SULF1: variants seen among roughly 807,000 people sequenced by gnomAD.
The protein encoded by SULF1 is extracellular sulfatase Sulf-1.
Under a neutral mutation model 110.5 loss-of-function variants are expected in SULF1, and 46 were observed. That is an observed-to-expected ratio of 0.42 (90% confidence interval 0.33 to 0.53). The LOEUF (loss-of-function observed/expected upper bound fraction) is 0.53. SULF1 is among the 20% of genes least tolerant of loss of function. The probability of loss-of-function intolerance (pLI) is 0.12; values close to 1 mark genes in which losing one functional copy is unlikely to be tolerated. For missense variants in SULF1, 941 were observed against 1,094.2 expected, an observed-to-expected ratio of 0.86 and a Z score of 1.98; for synonymous variants, 371 against 387.1, an observed-to-expected ratio of 0.96 and a Z score of 0.49.
chr8:69,494,121 A>G (rs529892238), intron 1 of SULF1, among the ~76,000 whole-genome samples: 1 of 152,310 alleles, frequency 6.6e-6, no homozygotes, highest in Admixed American at 6.5e-5. Flanking sequence ...AAAACTAAGA[A>G]CTATAAATTG....
intron 19 of SULF1, among the ~76,000 whole-genome samples, chr8:69,636,721 T>C (rs1486783209): frequency 2.0e-5 from 3 of 152,206 alleles, no homozygotes; most frequent in Admixed American, 6.5e-5. Context: ...CCCAATTTGT[T>C]CAACTTTTGA....
intron 8 of SULF1, among the ~76,000 whole-genome samples, chr8:69,598,548 T>C (rs1042885178): frequency 4.6e-5 from 7 of 152,094 alleles, no homozygotes; most frequent in African/African-American, 1.7e-4. Flanking sequence ...CCCGCCACCA[T>C]GCCCAGCTAA....
At chr8:69,603,803 C>A in intron 12 of SULF1, 147 bp downstream of exon 12, 1 of 658,000 alleles carries the variant, frequency 1.5e-6, no homozygotes, top group South Asian at 1.8e-5. Flanking sequence ...GCTGCTTATT[C>A]TGTAGTGGTC....
intron 1 of SULF1, among the ~76,000 whole-genome samples, chr8:69,470,181 A>T (rs1390945538): frequency 6.6e-6 from 1 of 152,144 alleles, no homozygotes; most frequent in African/African-American, 2.4e-5. Context: ...CCTGTGCAAT[A>T]TTTTTGTGTG....
chr8:69,636,184 A>G (rs1810984528), intron 19 of SULF1, among the ~76,000 whole-genome samples: 1 of 152,150 alleles, frequency 6.6e-6, no homozygotes, highest in Non-Finnish European at 1.5e-5. Flanking sequence ...AATAGGAACC[A>G]TTACACCCAA....
intron 12 of SULF1, 132 bp downstream of exon 12, chr8:69,603,788 G>T: frequency 1.4e-6 from 1 of 692,650 alleles, no homozygotes; most frequent in Non-Finnish European, 2.6e-6. Context: ...AAGATTGAAT[G>T]GTTTGCTGCT....
At chr8:69,532,568 G>A (rs1813159352) in intron 3 of SULF1, among the ~76,000 whole-genome samples, 1 of 152,146 alleles carries the variant, frequency 6.6e-6, no homozygotes, top group African/African-American at 2.4e-5. Flanking sequence ...TGAAAGAAGA[G>A]GATGCATTGC....
At chr8:69,471,214 A>G (rs1433091989) in intron 1 of SULF1, among the ~76,000 whole-genome samples, 1 of 152,014 alleles carries the variant, frequency 6.6e-6, no homozygotes, top group Non-Finnish European at 1.5e-5. Context: ...TTATTCCTTG[A>G]CTTCTCAGGT....
chr8:69,572,223 A>G (rs2150737001), intron 5 of SULF1, among the ~76,000 whole-genome samples: 1 of 152,350 alleles, frequency 6.6e-6, no homozygotes, highest in Admixed American at 6.5e-5. Flanking sequence ...TGTCACAGCC[A>G]GCATTCAGCC....
At chr8:69,554,909 G>A (rs1023767733) in intron 3 of SULF1, among the ~76,000 whole-genome samples, 1 of 148,594 alleles carries the variant, frequency 6.7e-6, no homozygotes, top group African/African-American at 2.5e-5. Context: ...AACCTGGGAG[G>A]CGGAGCTTGC....
At chr8:69,607,252 G>A (rs536007750) in intron 13 of SULF1, among the ~76,000 whole-genome samples, 2 of 152,332 alleles carry the variant, frequency 1.3e-5, no homozygotes, top group South Asian at 4.1e-4. Flanking sequence ...TGTGTTTACT[G>A]GTGGCCCTCA....
At chr8:69,575,313 C>A (rs1805524705) in intron 5 of SULF1, among the ~76,000 whole-genome samples, 1 of 151,534 alleles carries the variant, frequency 6.6e-6, no homozygotes, top group Non-Finnish European at 1.5e-5. Flanking sequence ...AATTATAGCT[C>A]TTTCACAAGC....
At chr8:69,625,873 G>C (rs189346225) in intron 15 of SULF1, 2 of 152,244 alleles carry the variant, frequency 1.3e-5, no homozygotes, top group African/African-American at 4.8e-5. Context: ...TTGGTAGAGC[G>C]GAGTGGCCTG....
rs1277528231 is a variant in SULF1 at position 69,603,550 on chromosome 8, TTGGAAAAACG to T, written c.1191-48_1191-39del. 4.0e-6 allele frequency: 6 copies of T among 1,498,050 alleles called. No individual in the cohort carries two copies. In the Admixed American group the frequency reaches 5.0e-5, roughly 13 times the overall value. The allele number at this position is 1,498,050 out of a possible 1,614,324, so 92.8% of individuals were successfully genotyped here. Reference sequence around the variant, plus strand: ...AAATAAGCTGTTAGCACAGATCCATTTGGAAAAACGTCCAGATGCCAAAAGTAAATATTAT... The same window carrying T: ...AAATAAGCTGTTAGCACAGATCCATTTCCAGATGCCAAAAGTAAATATTAT... On this transcript the variant is annotated intron_variant, in intron 11 of 22. Coordinates refer to ENST00000402687, the MANE Select transcript of SULF1 (RefSeq NM_001128205.2).
Position 69,521,518 on chromosome 8 carries a change from G to A in SULF1, c.-134+19550G>A, listed in dbSNP as rs973909480. Among the ~76,000 whole-genome samples, 13 of 152,244 alleles carry A rather than the reference G, an allele frequency of 8.5e-5. No individual in the cohort carries two copies. The South Asian group carries it at 2.5e-3, about 29-fold the overall frequency. The stretch of plus-strand genomic sequence containing the variant: ...GAGGAAGTAGCAACCAGATCTTGAC[G>A]AAGAATGTTCTAGACAGAGAGAACA... On this transcript the variant is annotated intron_variant, in intron 3 of 22. Transcript: ENST00000402687.
At chr8:69,486,518 G>A (rs1011861672) in intron 1 of SULF1, among the ~76,000 whole-genome samples, 3 of 151,834 alleles carry the variant, frequency 2.0e-5, no homozygotes, top group East Asian at 3.9e-4. Flanking sequence ...AATTTCCTAC[G>A]CTGGTAAAGT....
intron 3 of SULF1, among the ~76,000 whole-genome samples, chr8:69,503,597 G>C (rs1810962350): frequency 6.6e-6 from 1 of 152,126 alleles, no homozygotes; most frequent in Non-Finnish European, 1.5e-5. Context: ...ACTCTAGCCT[G>C]ATGCATCAAT....
intron 19 of SULF1, among the ~76,000 whole-genome samples, chr8:69,633,303 G>T (rs1218094516): frequency 6.6e-6 from 1 of 151,410 alleles, no homozygotes; most frequent in African/African-American, 2.4e-5. Context: ...TGTGCTTCAC[G>T]GCATGCTGAG....
At chr8:69,611,016 C>T (rs577904859) in intron 13 of SULF1, among the ~76,000 whole-genome samples, 97 of 152,264 alleles carry the variant, frequency 6.4e-4, no homozygotes, top group Non-Finnish European at 1.2e-3. Context: ...ATACTGCCTT[C>T]GTACCATTCT....
Sources: allele counts gnomAD v4.1 joint callset (sites outside exome capture counted in the v4.1 genomes callset), GRCh38; gene constraint gnomAD v4.1.1; transcripts MANE v1.5; gene names NCBI Gene and HGNC (gene_info 2026-07-23, HGNC 2026-07-21).